Variants in GRAMD4 observed in about 807,000 individuals in gnomAD.
The protein encoded by GRAMD4 is GRAM domain containing 4.
In GRAMD4, 25 loss-of-function variants were observed where a neutral mutation model predicts 83.9. The ratio of observed to expected loss-of-function variants is 0.30; its 90% CI spans 0.22 to 0.42. The LOEUF is 0.42. GRAMD4 is among the 10% of genes least tolerant of loss of function. The pLI, the probability that GRAMD4 is intolerant of heterozygous loss-of-function variation, is 1.00. For synonymous variants in GRAMD4, 336 were observed against 320.9 expected (o/e 1.05, Z -0.50); for missense variants, 593 against 788.7 (o/e 0.75, Z 2.97).
chr22:46,588,627 G>A (rs923890913), intron 1 of GRAMD4, among the ~76,000 whole-genome samples: 1 of 152,200 alleles, frequency 6.6e-6, no homozygotes. Flanking sequence ...TTCCTGGCTG[G>A]GGGGCAGGGG....
At chr22:46,585,912 G>T (rs997100787) in intron 1 of GRAMD4, among the ~76,000 whole-genome samples, 1 of 152,200 alleles carries the variant, frequency 6.6e-6, no homozygotes, top group Non-Finnish European at 1.5e-5. Flanking sequence ...ACCAGCATGT[G>T]CCTGCGGCTC....
rs1186236145 is a variant in GRAMD4 at position 46,586,035 on chromosome 22, GACCCCC to G, written c.-50+8748_-50+8753del. Among the ~76,000 whole-genome samples the G allele has an allele frequency of 4.3e-4, 65 of 152,182 alleles. No individual in the cohort carries two copies. The East Asian group carries it at 4.9e-3, about 11-fold the overall frequency. The stretch of plus-strand genomic sequence containing the variant: ...GTGCTATGGGGCTAGGCCCTCCCAT[GACCCCC>G]ACGTTTCCCCAACCCTATGGAGTGT... On this transcript the variant is annotated intron_variant, in intron 1 of 1. Coordinates refer to the GRAMD4 transcript ENST00000431155.
chr22:46,606,670 G>A (rs1222555057), intron 1 of GRAMD4, among the ~76,000 whole-genome samples: 3 of 151,230 alleles, frequency 2.0e-5, no homozygotes, highest in Admixed American at 6.6e-5. Flanking sequence ...TTTATTGACC[G>A]GTGCTGAGCA....
At chr22:46,674,579 G>A (rs1356425781) in intron 15 of GRAMD4, 78 bp from the exon 16 acceptor site, 2 of 997,698 alleles carry the variant, frequency 2.0e-6, no homozygotes, top group Non-Finnish European at 3.2e-6. Flanking sequence ...CTGAGAGTCA[G>A]GCTCCTGGGT....
intron 5 of GRAMD4, among the ~76,000 whole-genome samples, chr22:46,662,290 G>A (rs1439316724): frequency 1.3e-5 from 2 of 152,170 alleles, no homozygotes; most frequent in Non-Finnish European, 2.9e-5. Context: ...CCCTGAGCCT[G>A]CAGCCCCCTG....
chr22:46,668,144 C>T lies in GRAMD4; in HGVS notation c.907C>T (p.Leu303=), dbSNP rs758341164. The T allele has an allele frequency of 1.9e-6, 3 of 1,612,070 alleles. No individual in the cohort carries two copies. Among genetic ancestry groups the T allele is most frequent in the Non-Finnish European group, 2.5e-6 (3 of 1,179,388 alleles). ...LTVSEKFQLV[L]DVAQKAQNLF... is the part of the protein sequence containing the mutation. ...TGTGTCTGAGAAGTTCCAGCTGGTG[C>T]TGGACGTCGCCCAGAAAGCCCAGGT... The change falls in exon 11 of 19, where the codon CTG becomes TTG. Residue 303 remains leucine, a synonymous_variant. Transcript: ENST00000406902.
chr22:46,635,921 G>A (rs375113094), intron 2 of GRAMD4, among the ~76,000 whole-genome samples: 99 of 152,302 alleles, frequency 6.5e-4, no homozygotes, highest in African/African-American at 2.2e-3. Flanking sequence ...GGCAGTGCAG[G>A]GGTCCAGCTG....
intron 1 of GRAMD4, among the ~76,000 whole-genome samples, chr22:46,613,767 C>T (rs1433221051): frequency 6.6e-6 from 1 of 152,238 alleles, no homozygotes; most frequent in Non-Finnish European, 1.5e-5. Flanking sequence ...GCCATACACA[C>T]CCCCTCCTGC....
intron 1 of GRAMD4, among the ~76,000 whole-genome samples, chr22:46,585,899 C>G (rs1434159189): frequency 6.6e-6 from 1 of 152,168 alleles, no homozygotes; most frequent in Non-Finnish European, 1.5e-5. Context: ...TCCTGGAGAC[C>G]CAACCAGCAT....
At chr22:46,650,437 T>G (rs537493104) in intron 3 of GRAMD4, among the ~76,000 whole-genome samples, 2 of 126,708 alleles carry the variant, frequency 1.6e-5, no homozygotes, top group South Asian at 4.5e-4. Flanking sequence ...GGGCTGAGCA[T>G]TGAGGCTGGG....
intron 12 of GRAMD4, 25 bp downstream of exon 12, chr22:46,668,757 C>G: frequency 1.9e-6 from 2 of 1,042,350 alleles, no homozygotes; most frequent in Non-Finnish European, 2.9e-6. Flanking sequence ...CCACCCCGGC[C>G]CTGCGGCGCC....
chr22:46,617,050 GTT>G, upstream of GRAMD4, among the ~76,000 whole-genome samples: 2 of 129,618 alleles, frequency 1.5e-5, no homozygotes, highest in African/African-American at 5.9e-5. Flanking sequence ...GTGCGTGTGG[GTT>G]CCCCCGTGTG....
rs138360332 is a variant in GRAMD4 at position 46,636,557 on chromosome 22, G to A, written c.163-1283G>A. On this transcript the variant is annotated intron_variant, in intron 2 of 18. Transcript: ENST00000406902. The stretch of plus-strand genomic sequence containing the variant: ...GTGGGTGATACATGTGCAAGGAGCC[G>A]TTGCGGTGCTGCTCCGGGTGGCCTT... 6.1e-3 allele frequency among the ~76,000 whole-genome samples: 927 copies of A among 152,364 alleles called. 14 individuals are homozygous for A. Among genetic ancestry groups the A allele is most frequent in the Non-Finnish European group, 7.5e-3 (508 of 68,032 alleles).
Position 46,661,630 on chromosome 22 carries a change from G to A in GRAMD4, c.466+188G>A, listed in dbSNP as rs2076709. The stretch of plus-strand genomic sequence containing the variant: ...CGGGAATCTCCTCCCGTCAGAACTG[G>A]GTTAGTGTCTCTGATGCGAAGTGGT... On this transcript the variant is annotated intron_variant, in intron 5 of 18. Coordinates refer to ENST00000406902, the MANE Select transcript of GRAMD4 (RefSeq NM_015124.5). 3.4e-3 allele frequency among the ~76,000 whole-genome samples: 514 copies of A among 152,356 alleles called. 14 individuals carry two copies. In the East Asian group the frequency reaches 0.084, roughly 25 times the overall value.
chr22:46,679,484 C>T lies in GRAMD4; in HGVS notation c.*2233C>T, dbSNP rs1029379511. On this transcript the variant is annotated 3_prime_UTR_variant, in exon 19 of 19. Coordinates refer to ENST00000406902, the MANE Select transcript of GRAMD4 (RefSeq NM_015124.5). ...GGATCGGCACGGGCTCTGGGCTCCC[C>T]GTGGAGAGAAGCTGTAGTTTTTACC... is the stretch of plus-strand genomic sequence containing the variant. 1.8e-5 allele frequency: 18 copies of T among 985,402 alleles called. No homozygotes were observed. The highest frequency in any genetic ancestry group is 6.1e-5 in the Admixed American group (1 of 16,262). 61.0% of individuals were successfully genotyped at this position (985,402 alleles called of 1,614,324 possible).
intron 1 of GRAMD4, among the ~76,000 whole-genome samples, chr22:46,578,052 A>G (rs1255368055): frequency 6.6e-6 from 1 of 152,196 alleles, no homozygotes; most frequent in African/African-American, 2.4e-5. Flanking sequence ...AAGGTGCAGC[A>G]GTGCCCCGGG....
In GRAMD4 at chr22:46,622,861, G is replaced by C. The variant is rs991557192; in HGVS notation, c.-50+2296G>C. On this transcript the variant is annotated intron_variant, in intron 1 of 18. Coordinates refer to ENST00000406902, the MANE Select transcript of GRAMD4 (RefSeq NM_015124.5). The surrounding 1 kb of genome is among the most constrained non-coding windows in gnomAD (Gnocchi z 4.0). Reference sequence around the variant, plus strand: ...CAGGAGGCGGATCTTGCAGTGAGCCGAGATCACGCCACTGCACTCCAGCCT... The same window carrying C: ...CAGGAGGCGGATCTTGCAGTGAGCCCAGATCACGCCACTGCACTCCAGCCT... 2.7e-5 allele frequency among the ~76,000 whole-genome samples: 4 copies of C among 148,436 alleles called. No individual in the cohort carries two copies. Among genetic ancestry groups the C allele is most frequent in the Non-Finnish European group, 5.9e-5 (4 of 67,654 alleles).
At chr22:46,580,948 C>T (rs2081091602) in intron 1 of GRAMD4, among the ~76,000 whole-genome samples, 2 of 112,240 alleles carry the variant, frequency 1.8e-5, no homozygotes, top group Admixed American at 1.2e-4. Context: ...GCCTGGGCAA[C>T]AAGAGCGAAA....
chr22:46,597,837 A>G (rs542811532), intron 1 of GRAMD4, among the ~76,000 whole-genome samples: 1 of 152,284 alleles, frequency 6.6e-6, no homozygotes, highest in South Asian at 2.1e-4. Flanking sequence ...TTGATTTGCA[A>G]GTTACCCTTC....
Sources: allele counts gnomAD v4.1 joint callset (sites outside exome capture counted in the v4.1 genomes callset), GRCh38; gene constraint gnomAD v4.1.1; non-coding constraint Gnocchi (gnomAD v3.1); transcripts MANE v1.5; gene names NCBI Gene and HGNC (gene_info 2026-07-23, HGNC 2026-07-21).